The following SETBP1 variants were observed in gnomAD, a reference collection of about 807,000 sequenced individuals.
The protein encoded by SETBP1 is SET-binding protein.
In SETBP1, 9 loss-of-function variants were observed where a neutral mutation model predicts 101.0. The observed-to-expected ratio is 0.09, with a 90% CI of 0.05 to 0.16. SETBP1 has a LOEUF of 0.16. Ranked by LOEUF, SETBP1 falls within the 10% of genes least tolerant of loss-of-function variation. The pLI, the probability that SETBP1 is intolerant of heterozygous loss-of-function variation, is 1.00. For missense variants in SETBP1, 1,858 were observed against 2,033.8 expected, an observed-to-expected ratio of 0.91 and a Z score of 1.66; for synonymous variants, 818 against 788.5, an observed-to-expected ratio of 1.04 and a Z score of -0.63.
chr18:44,752,722 T>C (rs2070412571), intron 2 of SETBP1, among the ~76,000 whole-genome samples: 1 of 152,168 alleles, frequency 6.6e-6, no homozygotes, highest in Non-Finnish European at 1.5e-5. Context: ...AGAAGGTTTG[T>C]AGGAAATAAG....
At chr18:44,937,853 C>G (rs2070998518) in intron 3 of SETBP1, among the ~76,000 whole-genome samples, 1 of 152,202 alleles carries the variant, frequency 6.6e-6, no homozygotes, top group Non-Finnish European at 1.5e-5. Flanking sequence ...TGGTCTGGCT[C>G]TTTCCTCTAC....
At chr18:44,991,681 G>C (rs917604000) in intron 4 of SETBP1, among the ~76,000 whole-genome samples, 1 of 152,160 alleles carries the variant, frequency 6.6e-6, no homozygotes, top group Non-Finnish European at 1.5e-5. Flanking sequence ...TCACAAACTT[G>C]ATCTTCGAAT....
intron 2 of SETBP1, among the ~76,000 whole-genome samples, chr18:44,865,346 C>G (rs1170942061): frequency 6.6e-6 from 1 of 152,168 alleles, no homozygotes; most frequent in Admixed American, 6.5e-5. Flanking sequence ...GAGACAGGCA[C>G]AGTGCACGCC....
chr18:44,867,747 G>A lies in SETBP1; in HGVS notation c.487-1483G>A, dbSNP rs572499423. Reference sequence around the variant, plus strand: ...GCAGGATGGGGAATGGGGGGGTGGGGAACAGTGCAGGTTTTACCTTCTCCA... The same window carrying A: ...GCAGGATGGGGAATGGGGGGGTGGGAAACAGTGCAGGTTTTACCTTCTCCA... On this transcript the variant is annotated intron_variant, in intron 2 of 5. Transcript: ENST00000649279. Among the ~76,000 whole-genome samples the A allele has an allele frequency of 2.0e-5, 3 of 152,216 alleles. No individual in the cohort carries two copies. In the East Asian group the frequency reaches 5.8e-4, roughly 29 times the overall value.
intron 4 of SETBP1, among the ~76,000 whole-genome samples, chr18:44,995,374 T>A (rs545971748): frequency 2.6e-5 from 4 of 152,126 alleles, no homozygotes; most frequent in South Asian, 4.1e-4. Flanking sequence ...ATCTCCTGAC[T>A]TCGTGATCTG....
intron 4 of SETBP1, among the ~76,000 whole-genome samples, chr18:45,010,046 G>A (rs766598521): frequency 2.6e-5 from 4 of 152,086 alleles, no homozygotes; most frequent in Non-Finnish European, 4.4e-5. Context: ...AAAAAGAAAG[G>A]AAAAACCCTG....
At chr18:45,018,741 A>G (rs1248507945) in intron 4 of SETBP1, among the ~76,000 whole-genome samples, 1 of 152,190 alleles carries the variant, frequency 6.6e-6, no homozygotes, top group Non-Finnish European at 1.5e-5. Context: ...CTCAAAACAG[A>G]GCAGTGGTTA....
At chr18:45,025,184 G>A (rs916623714) in intron 4 of SETBP1, among the ~76,000 whole-genome samples, 10 of 152,188 alleles carry the variant, frequency 6.6e-5, no homozygotes, top group African/African-American at 2.4e-4. Context: ...GGGAGGTGAT[G>A]AATACTACCT....
chr18:45,028,065 G>C (rs1282701467), intron 4 of SETBP1, among the ~76,000 whole-genome samples: 1 of 151,886 alleles, frequency 6.6e-6, no homozygotes, highest in African/African-American at 2.4e-5. Context: ...CAACGTGCAG[G>C]TTAGTTACGT....
chr18:45,059,907 G>C (rs1304742393), intron 5 of SETBP1, among the ~76,000 whole-genome samples: 2 of 152,100 alleles, frequency 1.3e-5, no homozygotes, highest in Non-Finnish European at 2.9e-5. Flanking sequence ...CCAAATCTTT[G>C]ACTCACAGTT....
chr18:44,984,145 G>A (rs2072177052), intron 4 of SETBP1, among the ~76,000 whole-genome samples: 1 of 152,200 alleles, frequency 6.6e-6, no homozygotes, highest in Non-Finnish European at 1.5e-5. Flanking sequence ...AGGTTGCAGT[G>A]AGCTGAGGTT....
rs8096441 is a variant in SETBP1, at chr18:44,828,250, A to G, written c.487-40980A>G. Among the ~76,000 whole-genome samples, 702 of 152,256 alleles carry G rather than the reference A, an allele frequency of 4.6e-3. 4 individuals carry two copies. Among genetic ancestry groups the G allele is most frequent in the African/African-American group, 0.012 (504 of 41,538 alleles). ...GACAGGGCCCCAGGGATCTCCAGTT[A>G]GGAAGTTCCGTTATGTTGAAATGCG... is the stretch of plus-strand genomic sequence containing the variant. On this transcript the variant is annotated intron_variant, in intron 2 of 5. Coordinates refer to ENST00000649279, the MANE Select transcript of SETBP1 (RefSeq NM_015559.3).
At chr18:44,969,490 T>C (rs561245368) in intron 4 of SETBP1, among the ~76,000 whole-genome samples, 1 of 152,304 alleles carries the variant, frequency 6.6e-6, no homozygotes, top group South Asian at 2.1e-4. Flanking sequence ...TCCTGTGAAG[T>C]TATAAATCTC....
chr18:44,695,805 A>G (rs1323724335), intron 1 of SETBP1, among the ~76,000 whole-genome samples: 1 of 152,172 alleles, frequency 6.6e-6, no homozygotes, highest in Non-Finnish European at 1.5e-5. Context: ...AAATACAGTA[A>G]AATTTTTTTA....
chr18:44,908,378 C>G (rs571697554), intron 3 of SETBP1, among the ~76,000 whole-genome samples: 3 of 151,930 alleles, frequency 2.0e-5, no homozygotes, highest in Non-Finnish European at 4.4e-5. Flanking sequence ...TTCTCCTTCT[C>G]CTTCTTCTTC....
At chr18:44,782,725 G>A (rs1166372748) in intron 2 of SETBP1, among the ~76,000 whole-genome samples, 1 of 152,094 alleles carries the variant, frequency 6.6e-6, no homozygotes, top group African/African-American at 2.4e-5. Context: ...GAATCCTGGG[G>A]GTTGCAAATA....
intron 3 of SETBP1, among the ~76,000 whole-genome samples, chr18:44,932,140 G>A (rs2070851025): frequency 6.6e-6 from 1 of 152,166 alleles, no homozygotes; most frequent in Admixed American, 6.5e-5. Context: ...GCCTGGTGGT[G>A]ACAAAATCTC....
intron 4 of SETBP1, among the ~76,000 whole-genome samples, chr18:44,961,227 A>T (rs2071604230): frequency 6.6e-6 from 1 of 152,244 alleles, no homozygotes; most frequent in Non-Finnish European, 1.5e-5. Flanking sequence ...AATGCCAGAA[A>T]TGCTGGAGAA....
At chr18:44,841,544 C>T (rs2144527337) in intron 2 of SETBP1, among the ~76,000 whole-genome samples, 1 of 152,290 alleles carries the variant, frequency 6.6e-6, no homozygotes, top group Non-Finnish European at 1.5e-5. Context: ...GAAAACCATC[C>T]ATGGCCAAAC....
Sources: gnomAD v4.1 joint callset for allele counts (sites outside exome capture counted in the v4.1 genomes callset) on GRCh38, gnomAD v4.1.1 for gene constraint, MANE v1.5 for transcripts, NCBI Gene and HGNC (gene_info 2026-07-23, HGNC 2026-07-21) for gene names.